Variants in EAF2 observed in about 807,000 individuals in gnomAD.
EAF2 encodes the protein ELL associated factor 2.
A neutral mutation model predicts 29.4 loss-of-function variants in EAF2; 29 were observed. That is an observed-to-expected ratio of 0.99 (90% CI 0.73 to 1.35). EAF2 has a LOEUF of 1.35. Among genes scored for constraint, EAF2 ranks in the 40% most tolerant of loss-of-function variants. The probability of loss-of-function intolerance (pLI) is 0.00; values close to 1 mark genes in which losing one functional copy is unlikely to be tolerated. For synonymous variants in EAF2, 103 were observed against 102.5 expected (o/e 1.00, Z -0.03); for missense variants, 292 against 312.0 (o/e 0.94, Z 0.48).
At chr3:121,845,459 A>AAAAAAAAAAGAAAG (rs71133578) in intron 2 of EAF2, among the ~76,000 whole-genome samples, 4 of 96,604 alleles carry the variant, frequency 4.1e-5, no homozygotes, top group Non-Finnish European at 7.5e-5. Context: ...AAAAAAAAAA[A>AAAAAAAAAAGAAAG]AAAGAAAGAA....
chr3:121,843,551 T>A (rs1383439426), intron 1 of EAF2, among the ~76,000 whole-genome samples: 2 of 152,136 alleles, frequency 1.3e-5, no homozygotes, highest in Non-Finnish European at 2.9e-5. Context: ...TCTTTTGCAT[T>A]ATACCATATT....
At chr3:121,847,929 G>A (rs1420055948) in intron 2 of EAF2, among the ~76,000 whole-genome samples, 1 of 152,080 alleles carries the variant, frequency 6.6e-6, no homozygotes, top group Non-Finnish European at 1.5e-5. Context: ...AGGGAGAAGA[G>A]GAAGGATGAA....
intron 4 of EAF2, among the ~76,000 whole-genome samples, chr3:121,868,881 C>T (rs956009399): frequency 3.3e-5 from 5 of 152,146 alleles, no homozygotes; most frequent in Admixed American, 3.3e-4. Context: ...ATGTAATTGA[C>T]AGATATGTAA....
chr3:121,866,110 A>G (rs1183506193), intron 4 of EAF2, among the ~76,000 whole-genome samples: 1 of 152,154 alleles, frequency 6.6e-6, no homozygotes, highest in African/African-American at 2.4e-5. Context: ...CTGGTTCAGG[A>G]AGCACTCTTT....
chr3:121,836,324 C>G (rs1708281461), intron 1 of EAF2: 1 of 152,192 alleles, frequency 6.6e-6, no homozygotes, highest in Non-Finnish European at 1.5e-5. Flanking sequence ...CCGCCTTTCT[C>G]AGTCATTCTG....
chr3:121,875,413 C>T (rs902810245), intron 5 of EAF2, among the ~76,000 whole-genome samples: 1 of 151,972 alleles, frequency 6.6e-6, no homozygotes, highest in African/African-American at 2.4e-5. Context: ...GGATAACAAT[C>T]TCCAAATGTG....
intron 4 of EAF2, among the ~76,000 whole-genome samples, chr3:121,860,856 T>A (rs1386476405): frequency 6.6e-6 from 1 of 152,218 alleles, no homozygotes; most frequent in East Asian, 1.9e-4. Context: ...GTCCCAGAGA[T>A]TCTGGTATGT....
chr3:121,849,651 G>A (rs1280228799), intron 2 of EAF2, among the ~76,000 whole-genome samples: 3 of 151,954 alleles, frequency 2.0e-5, no homozygotes, highest in Non-Finnish European at 4.4e-5. Flanking sequence ...CACTTATGAG[G>A]CTCCTATATG....
At chr3:121,870,458 A>G (rs1708992269) in intron 4 of EAF2, among the ~76,000 whole-genome samples, 1 of 152,294 alleles carries the variant, frequency 6.6e-6, no homozygotes, top group African/African-American at 2.4e-5. Context: ...AAGTGTCTTG[A>G]AGAGAATTAA....
chr3:121,840,113 C>T (rs932010640), intron 1 of EAF2, among the ~76,000 whole-genome samples: 60 of 147,596 alleles, frequency 4.1e-4, no homozygotes, highest in Non-Finnish European at 7.1e-4. Flanking sequence ...TTGCTTGAAC[C>T]GAAGAGGCGG....
chr3:121,842,933 T>C (rs1708461104), intron 1 of EAF2, among the ~76,000 whole-genome samples: 2 of 152,204 alleles, frequency 1.3e-5, no homozygotes, highest in African/African-American at 2.4e-5. Flanking sequence ...CAGTTATACT[T>C]TCTAGGGATA....
chr3:121,839,781 C>G (rs886541925), intron 1 of EAF2, among the ~76,000 whole-genome samples: 4 of 152,194 alleles, frequency 2.6e-5, no homozygotes, highest in Admixed American at 2.6e-4. Context: ...GAATGAACTA[C>G]AAGATCTCTT....
chr3:121,850,070 T>C (rs1160142194), intron 2 of EAF2, among the ~76,000 whole-genome samples: 2 of 151,432 alleles, frequency 1.3e-5, no homozygotes, highest in Non-Finnish European at 2.9e-5. Flanking sequence ...AGAATCTTAG[T>C]GTTTCTTCCT....
chr3:121,876,555 T>A (rs571362119), intron 5 of EAF2, among the ~76,000 whole-genome samples: 9 of 151,494 alleles, frequency 5.9e-5, no homozygotes, highest in African/African-American at 1.9e-4. Flanking sequence ...ATTTGGAAAA[T>A]TTTTTTTTGA....
chr3:121,851,932 G>A (rs2107512774), intron 2 of EAF2, among the ~76,000 whole-genome samples: 1 of 152,306 alleles, frequency 6.6e-6, no homozygotes, highest in Middle Eastern at 3.4e-3. Flanking sequence ...ATTGAATAAG[G>A]AATGGACAGA....
intron 4 of EAF2, among the ~76,000 whole-genome samples, chr3:121,857,866 G>C (rs1387029963): frequency 6.6e-6 from 1 of 151,990 alleles, no homozygotes; most frequent in Non-Finnish European, 1.5e-5. Context: ...TGGACACCCT[G>C]TGTCCAAGTG....
chr3:121,857,486 T>C (rs1365422657), intron 4 of EAF2, among the ~76,000 whole-genome samples: 1 of 143,284 alleles, frequency 7.0e-6, no homozygotes, highest in African/African-American at 2.6e-5. Flanking sequence ...TGAGACTCCA[T>C]CTCAAAAAAA....
chr3:121,879,888 T>C (rs1166426827), intron 5 of EAF2, among the ~76,000 whole-genome samples: 1 of 152,164 alleles, frequency 6.6e-6, no homozygotes, highest in Non-Finnish European at 1.5e-5. Context: ...TGGTTCTATA[T>C]GAAGCTTATG....
At chr3:121,882,952 T>C (rs1449733252) in intron 5 of EAF2, among the ~76,000 whole-genome samples, 1 of 152,046 alleles carries the variant, frequency 6.6e-6, no homozygotes, top group African/African-American at 2.4e-5. Flanking sequence ...TAATTCTCCT[T>C]TACTATTTTG....
Sources: gnomAD v4.1 joint callset for allele counts (sites outside exome capture counted in the v4.1 genomes callset) on GRCh38, gnomAD v4.1.1 for gene constraint, MANE v1.5 for transcripts, NCBI Gene and HGNC (gene_info 2026-07-23, HGNC 2026-07-21) for gene names.